The following ZNF81 variants were observed in gnomAD, a reference collection of about 807,000 sequenced individuals.
ZNF81 encodes the protein zinc finger protein 81.
Under a neutral mutation model 32.3 loss-of-function variants are expected in ZNF81, and 5 were observed. That is an observed-to-expected ratio of 0.15 (90% CI 0.08 to 0.33). ZNF81 has a LOEUF of 0.33. Among genes scored for constraint, ZNF81 ranks in the 10% least tolerant of loss-of-function variants. The pLI is 1.00. For missense variants in ZNF81, 379 were observed against 479.8 expected, an observed-to-expected ratio of 0.79 and a Z score of 1.96; for synonymous variants, 163 against 166.8, an observed-to-expected ratio of 0.98 and a Z score of 0.17.
chrX:47,897,728 G>T (rs950555603), intron 4 of ZNF81, among the ~76,000 whole-genome samples: 10 of 111,711 alleles, frequency 9.0e-5, no homozygotes, highest in Admixed American at 1.9e-4. Context: ...ATATCTAATT[G>T]TTCCAGAAAC....
intron 4 of ZNF81, among the ~76,000 whole-genome samples, chrX:47,910,080 T>C (rs181479852): frequency 4.7e-4 from 53 of 111,830 alleles, no homozygotes; most frequent in African/African-American, 1.7e-3. Flanking sequence ...CATGTGCATG[T>C]GTCTTTATAG....
In ZNF81 at chrX:47,922,788, C is replaced by T. The variant is rs1556892128; in HGVS notation, c.*6156C>T. 1.8e-5 allele frequency among the ~76,000 whole-genome samples: 2 copies of T among 111,832 alleles called. No homozygotes were observed. Among genetic ancestry groups the T allele is most frequent in the Non-Finnish European group, 3.8e-5 (2 of 53,158 alleles). On this transcript the variant is annotated 3_prime_UTR_variant, in exon 5 of 5. Coordinates refer to ENST00000338637, the MANE Select transcript of ZNF81 (RefSeq NM_007137.5). The stretch of plus-strand genomic sequence containing the variant: ...TCTCATTGTTCTTGAGGCTGGAGAT[C>T]CGAATCACGGTGTCAGCAGGGTCAT...
At chrX:47,914,093 G>C (rs1556890244) in intron 4 of ZNF81, among the ~76,000 whole-genome samples, 3 of 110,883 alleles carry the variant, frequency 2.7e-5, no homozygotes, top group African/African-American at 9.9e-5. Flanking sequence ...TCCAAGCCTA[G>C]GCCCTCCTAG....
chrX:47,862,449 G>A (rs1014620637), intron 2 of ZNF81, among the ~76,000 whole-genome samples: 5 of 108,853 alleles, frequency 4.6e-5, no homozygotes, highest in African/African-American at 1.7e-4. Flanking sequence ...CATGAACCTG[G>A]GAGGCAGAGG....
At chrX:47,855,684 A>C (rs2058513747) in intron 2 of ZNF81, among the ~76,000 whole-genome samples, 2 of 111,460 alleles carry the variant, frequency 1.8e-5, no homozygotes, top group Non-Finnish European at 3.8e-5. Flanking sequence ...CATTGTAAAT[A>C]AACTTGCATT....
chrX:47,880,258 G>A (rs5953118), intron 2 of ZNF81, among the ~76,000 whole-genome samples: 1,273 of 112,297 alleles, frequency 0.011, 17 homozygotes, highest in African/African-American at 0.039. Flanking sequence ...CTGTCATCCA[G>A]GCTGGAGTGC....
At chrX:47,904,014 A>G (rs1356246889) in intron 4 of ZNF81, among the ~76,000 whole-genome samples, 11 of 110,802 alleles carry the variant, frequency 9.9e-5, no homozygotes, top group African/African-American at 3.6e-4. Flanking sequence ...CCATATGTTG[A>G]AAGCTGAAAC....
intron 2 of ZNF81, among the ~76,000 whole-genome samples, chrX:47,865,950 G>A (rs782049905): frequency 7.1e-5 from 8 of 112,006 alleles, no homozygotes; most frequent in Non-Finnish European, 1.5e-4. Context: ...TGGCAACCAA[G>A]AAGACTGATC....
At chrX:47,851,155 TC>T (rs2058494361) in intron 2 of ZNF81, among the ~76,000 whole-genome samples, 1 of 112,165 alleles carries the variant, frequency 8.9e-6, no homozygotes, top group Admixed American at 9.5e-5. Context: ...TGGTTTCTAA[TC>T]TTTTGCAATT....
At chrX:47,887,751 C>A (rs1164371260) in intron 2 of ZNF81, among the ~76,000 whole-genome samples, 1 of 111,143 alleles carries the variant, frequency 9.0e-6, no homozygotes, top group Non-Finnish European at 1.9e-5. Context: ...AGGTCAAATC[C>A]TTACTAAAAA....
rs927221239 is a variant in ZNF81 at position 47,919,696 on chromosome X, A to T, written c.*3064A>T. On this transcript the variant is annotated 3_prime_UTR_variant, in exon 5 of 5. Transcript: ENST00000338637. ...GTCTACAGCTAGAGAACTCTTTGGG[A>T]TCCCTTTTATAAGGGCACCAATCCC... is the stretch of plus-strand genomic sequence containing the variant. The T allele has an allele frequency of 9.0e-6, 1 of 111,699 alleles. No homozygotes were observed. Among genetic ancestry groups the T allele is most frequent in the African/African-American group, 3.3e-5 (1 of 30,432 alleles). 9.2% of individuals were successfully genotyped at this position (111,699 alleles called of 1,213,427 possible). A position where few individuals can be genotyped will look rare whatever the true frequency, so the allele number is the denominator to read the frequency against.
At chrX:47,841,647 T>G in intron 1 of ZNF81, 1 of 1,076,807 alleles carries the variant, frequency 9.3e-7, no homozygotes, top group Middle Eastern at 3.5e-4. Flanking sequence ...ACCTTCCTCT[T>G]TTTTCAGGAG....
Position 47,917,516 on chromosome X carries a change from CTT to C in ZNF81, c.*885_*886del, listed in dbSNP as rs2058761662. 1 of 269,839 alleles carries C rather than the reference CTT, an allele frequency of 3.7e-6. No homozygotes were observed. The highest frequency in any genetic ancestry group is 5.2e-5 in the East Asian group (1 of 19,390). 22.2% of individuals were successfully genotyped at this position (269,839 alleles called of 1,213,427 possible). ...GAAGTGTGCAAAGCCTGCCTTGAAG[CTT>C]ACCCTCTCTTGCTGCTCTTTGCAAA... is the stretch of plus-strand genomic sequence containing the variant. On this transcript the variant is annotated 3_prime_UTR_variant, in exon 5 of 5. Coordinates refer to ENST00000338637, the MANE Select transcript of ZNF81 (RefSeq NM_007137.5).
chrX:47,904,964 C>CA (rs1381976572), intron 4 of ZNF81, among the ~76,000 whole-genome samples: 2 of 109,415 alleles, frequency 1.8e-5, no homozygotes, highest in Non-Finnish European at 3.8e-5. Context: ...ATCGCAAGGA[C>CA]AAAAAACCAA....
At chrX:47,872,680 A>G (rs925406343) in intron 2 of ZNF81, among the ~76,000 whole-genome samples, 9 of 111,902 alleles carry the variant, frequency 8.0e-5, no homozygotes, top group Non-Finnish European at 1.7e-4. Flanking sequence ...AAGGTCTTGT[A>G]TAAATCTATA....
rs781826492 is a variant in ZNF81 at position 47,841,083 on chromosome X, G to C, written c.-164+4096G>C. On this transcript the variant is annotated intron_variant, in intron 1 of 4. Transcript: ENST00000338637. ...GACGGGCCACTGACAGGTGGAAAGG[G>C]CTCAAGAACCATGAGATCTCCTCGA... 19 of 854,767 alleles carry C rather than the reference G, an allele frequency of 2.2e-5. No homozygotes were observed. In the African/African-American group the frequency reaches 3.2e-4, roughly 14 times the overall value. The allele number at this position is 854,767 out of a possible 1,213,427, so 70.4% of individuals were successfully genotyped here.
In ZNF81 at chrX:47,922,671, C is replaced by G. The variant is rs1022523650; in HGVS notation, c.*6039C>G. Among the ~76,000 whole-genome samples the G allele has an allele frequency of 9.0e-6, 1 of 111,584 alleles. No individual in the cohort carries two copies. The highest frequency in any genetic ancestry group is 2.8e-4 in the East Asian group (1 of 3,578). ...TCTATAAAAGATGTACACACTACCACCTATCATAGATTTGACTAAGAAGCA... is the reference window on the plus strand; with the variant it reads ...TCTATAAAAGATGTACACACTACCAGCTATCATAGATTTGACTAAGAAGCA... On this transcript the variant is annotated 3_prime_UTR_variant, in exon 5 of 5. Transcript: ENST00000338637.
At chrX:47,905,242 CA>C (rs74773735) in intron 4 of ZNF81, among the ~76,000 whole-genome samples, 1 of 95,789 alleles carries the variant, frequency 1.0e-5, no homozygotes, top group African/African-American at 3.8e-5. Context: ...AAATCAACTC[CA>C]AAAAAAAAAA....
chrX:47,843,580 T>G (rs2058459419), intron 1 of ZNF81, among the ~76,000 whole-genome samples: 1 of 111,919 alleles, frequency 8.9e-6, no homozygotes, highest in Non-Finnish European at 1.9e-5. Flanking sequence ...TGGACTGCAG[T>G]GATGCAACTG....
Sources: gnomAD v4.1 joint callset for allele counts (sites outside exome capture counted in the v4.1 genomes callset) on GRCh38, gnomAD v4.1.1 for gene constraint, MANE v1.5 for transcripts, NCBI Gene and HGNC (gene_info 2026-07-23, HGNC 2026-07-21) for gene names.